The following LRBA variants were observed in gnomAD, a reference collection of about 807,000 sequenced individuals.
LRBA encodes lipopolysaccharide-responsive and beige-like anchor protein.
A neutral mutation model predicts 330.0 loss-of-function variants in LRBA; 176 were observed. That is an observed-to-expected ratio of 0.53 (90% CI 0.47 to 0.60). LRBA has a LOEUF of 0.60. Among genes scored for constraint, LRBA ranks in the 20% least tolerant of loss-of-function variants. The pLI, the probability that LRBA is intolerant of heterozygous loss-of-function variation, is 0.00. For synonymous variants in LRBA, 1,230 were observed against 1,193.0 expected (o/e 1.03, Z -0.64); for missense variants, 3,259 against 3,444.8 (o/e 0.95, Z 1.35).
chr4:150,971,390 C>A (rs1001395346), intron 2 of LRBA, among the ~76,000 whole-genome samples: 1 of 152,102 alleles, frequency 6.6e-6, no homozygotes, highest in African/African-American at 2.4e-5. Context: ...GTAAGCCAGC[C>A]CAGTCAAAAT....
rs144824240 is a variant in LRBA at position 150,742,718 on chromosome 4, T to C, written c.5646-7352A>G. Among the ~76,000 whole-genome samples the C allele has an allele frequency of 4.0e-4, 61 of 151,998 alleles. No individual in the cohort carries two copies. The East Asian group carries it at 0.011, about 27-fold the overall frequency. On this transcript the variant is annotated intron_variant, in intron 35 of 56. Coordinates refer to ENST00000651943, the MANE Select transcript of LRBA (RefSeq NM_001364905.1). ...GCCTGGGTAAAATAAAGAGACTTCTTCTCTACAAAAAAACACCAAAAACAA... is the reference window on the plus strand; with the variant it reads ...GCCTGGGTAAAATAAAGAGACTTCTCCTCTACAAAAAAACACCAAAAACAA...
Position 150,583,200 on chromosome 4 carries a change from C to A in LRBA, c.6330+4848G>T. The stretch of plus-strand genomic sequence containing the variant: ...AGCCTCGCTTCATCAGCTCCTTGAG[C>A]GAGATCGATGCCCGCTACGAGGGGC... On this transcript the variant is annotated intron_variant, in intron 40 of 56. Coordinates refer to ENST00000651943, the MANE Select transcript of LRBA (RefSeq NM_001364905.1). This position sits in a 1 kb window ranked among gnomAD's most constrained non-coding sequence, Gnocchi z 9.8. The A allele has an allele frequency of 6.2e-7, 1 of 1,614,214 alleles. No homozygotes were observed. Among genetic ancestry groups the A allele is most frequent in the Non-Finnish European group, 8.5e-7 (1 of 1,180,022 alleles).
intron 28 of LRBA, among the ~76,000 whole-genome samples, chr4:150,837,036 C>T (rs1349502051): frequency 6.6e-6 from 1 of 152,088 alleles, no homozygotes; most frequent in Non-Finnish European, 1.5e-5. Flanking sequence ...TTATTTCTGC[C>T]TTCATTTTGT....
intron 31 of LRBA, among the ~76,000 whole-genome samples, chr4:150,812,693 A>C (rs1274304965): frequency 2.0e-5 from 3 of 152,178 alleles, no homozygotes. Context: ...ACTAATTAAT[A>C]ATGTATATGG....
At chr4:150,936,596 T>C (rs969128469) in intron 2 of LRBA, among the ~76,000 whole-genome samples, 1 of 152,016 alleles carries the variant, frequency 6.6e-6, no homozygotes, top group South Asian at 2.1e-4. Flanking sequence ...CATAATTATA[T>C]AATGATTATA....
At chr4:150,991,701 T>C (rs1333061414) in intron 2 of LRBA, among the ~76,000 whole-genome samples, 1 of 152,104 alleles carries the variant, frequency 6.6e-6, no homozygotes, top group Non-Finnish European at 1.5e-5. Flanking sequence ...AGGGAACTTT[T>C]TGAGGTGGGG....
At chr4:150,557,841 G>A (rs1767529223) in intron 40 of LRBA, among the ~76,000 whole-genome samples, 2 of 152,042 alleles carry the variant, frequency 1.3e-5, no homozygotes, top group African/African-American at 4.8e-5. Context: ...TTTCTCAGGG[G>A]TTTCCACTGT....
chr4:150,706,272 C>A (rs1785610882), intron 36 of LRBA, among the ~76,000 whole-genome samples: 1 of 151,746 alleles, frequency 6.6e-6, no homozygotes, highest in South Asian at 2.1e-4. Flanking sequence ...TGAAATCACA[C>A]ACAGACTAAT....
intron 37 of LRBA, among the ~76,000 whole-genome samples, chr4:150,680,672 C>CT (rs1221107471): frequency 6.6e-6 from 1 of 152,126 alleles, no homozygotes; most frequent in Non-Finnish European, 1.5e-5. Context: ...AAATTGGATT[C>CT]TTTTTTCCCC....
In LRBA at chr4:150,852,509, T is replaced by C. The variant is rs751314890; in HGVS notation, c.3201A>G (p.Thr1067=). The change falls in exon 23 of 57, where the codon ACA becomes ACG. Residue 1067 remains threonine, a synonymous_variant. Coordinates refer to ENST00000651943, the MANE Select transcript of LRBA (RefSeq NM_001364905.1). ...TGACAGTCATTGAATCTTTGCCAGT[T>C]GTTATAAAAGAATTAGAGGAAATAG... The part of the protein sequence containing the change: ...AVAISSNSFI[T]TGKDSMTVSE... 31 of 1,613,714 alleles carry C rather than the reference T, an allele frequency of 1.9e-5. No individual in the cohort carries two copies. Among genetic ancestry groups the C allele is most frequent in the Non-Finnish European group, 1.7e-6 (2 of 1,179,966 alleles).
At chr4:150,974,930 T>C (rs191040012) in intron 2 of LRBA, among the ~76,000 whole-genome samples, 12 of 152,134 alleles carry the variant, frequency 7.9e-5, no homozygotes, top group Non-Finnish European at 1.6e-4. Context: ...AACCACTACA[T>C]ATAGAAAGCA....
At chr4:150,570,650 A>G (rs1457982150) in intron 40 of LRBA, among the ~76,000 whole-genome samples, 3 of 152,102 alleles carry the variant, frequency 2.0e-5, no homozygotes, top group Non-Finnish European at 4.4e-5. Context: ...TTCAGAATAC[A>G]TCACTAGGGT....
intron 34 of LRBA, among the ~76,000 whole-genome samples, chr4:150,786,448 T>A (rs2126620616): frequency 6.6e-6 from 1 of 152,196 alleles, no homozygotes; most frequent in Non-Finnish European, 1.5e-5. Flanking sequence ...TTTGCCATGT[T>A]GTCCAGGCTG....
At chr4:150,349,107 G>A (rs1450574359) in intron 48 of LRBA, among the ~76,000 whole-genome samples, 4 of 152,096 alleles carry the variant, frequency 2.6e-5, no homozygotes, top group Non-Finnish European at 5.9e-5. Context: ...AACTTATCTA[G>A]CACATAAGCC....
chr4:150,792,708 T>G (rs1415232061), intron 34 of LRBA, among the ~76,000 whole-genome samples: 1 of 152,170 alleles, frequency 6.6e-6, no homozygotes, highest in African/African-American at 2.4e-5. Flanking sequence ...GGTCTTGCTA[T>G]GTTGCCCAGG....
intron 50 of LRBA, among the ~76,000 whole-genome samples, chr4:150,316,256 A>G (rs1003453384): frequency 2.0e-5 from 3 of 152,126 alleles, no homozygotes; most frequent in Non-Finnish European, 4.4e-5. Flanking sequence ...CATGGTTTCA[A>G]TTTAAAAATA....
chr4:150,447,965 T>C (rs576874762), intron 44 of LRBA, among the ~76,000 whole-genome samples: 14 of 152,216 alleles, frequency 9.2e-5, no homozygotes, highest in Non-Finnish European at 2.1e-4. Flanking sequence ...GGTCAAAGAA[T>C]GCACTAGACA....
chr4:150,279,907 C>G (rs970185716), intron 55 of LRBA, among the ~76,000 whole-genome samples: 1 of 152,138 alleles, frequency 6.6e-6, no homozygotes, highest in Non-Finnish European at 1.5e-5. Context: ...ATCCATTAAC[C>G]TTATGGTTGT....
Position 150,393,300 on chromosome 4 carries a change from C to T in LRBA, c.7194+22138G>A, listed in dbSNP as rs1386889129. Reference sequence around the variant, plus strand: ...CATATTTGCTGAATGAAACACTGGACTTTCAGAAGCAATGAAAGATATGTG... The same window carrying T: ...CATATTTGCTGAATGAAACACTGGATTTTCAGAAGCAATGAAAGATATGTG... On this transcript the variant is annotated intron_variant, in intron 47 of 56. Transcript: ENST00000651943. Among the ~76,000 whole-genome samples the T allele has an allele frequency of 2.0e-5, 3 of 151,262 alleles. No homozygotes were observed. In the East Asian group the frequency reaches 5.8e-4, roughly 29 times the overall value.
Sources: allele counts gnomAD v4.1 joint callset (sites outside exome capture counted in the v4.1 genomes callset), GRCh38; gene constraint gnomAD v4.1.1; non-coding constraint Gnocchi (gnomAD v3.1); transcripts MANE v1.5; gene names NCBI Gene and HGNC (gene_info 2026-07-23, HGNC 2026-07-21).